KCTD19: variants seen among roughly 807,000 people sequenced by gnomAD.
KCTD19 encodes potassium channel tetramerization domain containing 19.
A neutral mutation model predicts 103.5 loss-of-function variants in KCTD19; 67 were observed. That is an observed-to-expected ratio of 0.65 (90% confidence interval 0.53 to 0.79). The LOEUF (loss-of-function observed/expected upper bound fraction) is 0.79. KCTD19 is among the 30% of genes least tolerant of loss of function. KCTD19 has a pLI of 0.00. For missense variants in KCTD19, 980 were observed against 1,136.1 expected (o/e 0.86, Z 1.98); for synonymous variants, 439 against 452.2 (o/e 0.97, Z 0.37).
Position 67,304,406 on chromosome 16 carries a change from C to T in KCTD19, c.451+15G>A, listed in dbSNP as rs1011534503. 5.0e-6 allele frequency: 8 copies of T among 1,613,484 alleles called. No homozygotes were observed. The highest frequency in any genetic ancestry group is 6.8e-6 in the Non-Finnish European group (8 of 1,179,498). ...TGGTGTGGGCTTTAGGGAGGGACAG[C>T]CTATCCCAATTCACCTGTAAAGGCT... On this transcript the variant is annotated intron_variant, in intron 3 of 15. Transcript: ENST00000304372.
intron 7 of KCTD19, 142 bp downstream of exon 7, chr16:67,297,361 T>C: frequency 2.4e-6 from 2 of 825,918 alleles, no homozygotes; most frequent in Non-Finnish European, 3.8e-6. Context: ...AAGTTTCCCT[T>C]TTGTAAAAAT....
intron 1 of KCTD19, among the ~76,000 whole-genome samples, chr16:67,322,957 C>T (rs2037092155): frequency 6.6e-6 from 1 of 152,192 alleles, no homozygotes. Context: ...AAAAAAGATG[C>T]TCAACATCCT....
chr16:67,294,099 G>A lies in KCTD19; in HGVS notation c.1663C>T (p.Leu555=). Residue 555 remains leucine (L), a synonymous_variant, in exon 12 of 16, where the codon CTG becomes TTG. Coordinates refer to ENST00000304372, the MANE Select transcript of KCTD19 (RefSeq NM_001100915.3). ...RTPWNKAKGN[L]VRSNQMDEAE... ...TCATCCATCTGGTTGGACCTGACCA[G>A]GTTTCCCTTAGCCTTGTTCCATGGA... The A allele has an allele frequency of 6.2e-7, 1 of 1,613,970 alleles. No individual in the cohort carries two copies. The highest frequency in any genetic ancestry group is 8.5e-7 in the Non-Finnish European group (1 of 1,179,842).
intron 2 of KCTD19, among the ~76,000 whole-genome samples, chr16:67,319,004 A>G (rs2037042995): frequency 1.3e-5 from 2 of 152,088 alleles, no homozygotes; most frequent in South Asian, 2.1e-4. Context: ...GGGTGGATCA[A>G]CTGGGGTCAG....
At position 67,300,494 on chromosome 16, in the gene KCTD19, G is replaced by A. The variant is rs1019667071; in HGVS notation, c.776-921C>T. ...CTCCATCTTTGCATTGCTCTGTGGAGCAGGGACTACGCTACCATCTCACAA... is the reference window on the plus strand; with the variant it reads ...CTCCATCTTTGCATTGCTCTGTGGAACAGGGACTACGCTACCATCTCACAA... On this transcript the variant is annotated intron_variant, in intron 5 of 15. Transcript: ENST00000304372. This position sits in a 1 kb window ranked among gnomAD's most constrained non-coding sequence, Gnocchi z 4.5. 1 of 152,226 alleles carries A rather than the reference G, an allele frequency of 6.6e-6. No individual in the cohort carries two copies. The allele number at this position is 152,226 out of a possible 1,614,324, so 9.4% of individuals were successfully genotyped here.
At chr16:67,298,126 TG>T (rs2036789392) in intron 6 of KCTD19, among the ~76,000 whole-genome samples, 1 of 151,864 alleles carries the variant, frequency 6.6e-6, no homozygotes, top group South Asian at 2.1e-4. Context: ...CCTGAGTAGC[TG>T]GGACTACAGG....
At chr16:67,294,766 G>T in intron 10 of KCTD19, 72 bp from the exon 11 acceptor site, 1 of 1,163,068 alleles carries the variant, frequency 8.6e-7, no homozygotes, top group East Asian at 2.3e-5. Flanking sequence ...GGTCAGATCT[G>T]CTCTTTGGCT....
chr16:67,291,615 C>G, intron 13 of KCTD19, 31 bp downstream of exon 13: 1 of 1,601,572 alleles, frequency 6.2e-7, no homozygotes, highest in Non-Finnish European at 8.5e-7. Flanking sequence ...CACGAGGAGG[C>G]GCAGGGCTCG....
chr16:67,319,356 T>C lies in KCTD19; in HGVS notation c.300+1233A>G, dbSNP rs1020870351. On this transcript the variant is annotated intron_variant, in intron 2 of 15. Coordinates refer to ENST00000304372, the MANE Select transcript of KCTD19 (RefSeq NM_001100915.3). Reference sequence around the variant, plus strand: ...TGTTCTCATTCCTCTATGGCCCAGATACGCATGATCTATCTCAATTTTCTT... The same window carrying C: ...TGTTCTCATTCCTCTATGGCCCAGACACGCATGATCTATCTCAATTTTCTT... Among the ~76,000 whole-genome samples, 4 of 152,166 alleles carry C rather than the reference T, an allele frequency of 2.6e-5. No homozygotes were observed. The South Asian group carries it at 8.3e-4, about 32-fold the overall frequency.
At chr16:67,304,663 CTTA>C in intron 2 of KCTD19, 92 bp from the exon 3 acceptor site, 1 of 1,158,764 alleles carries the variant, frequency 8.6e-7, no homozygotes, top group South Asian at 1.4e-5. Context: ...CAGTATGTGA[CTTA>C]CTTTTTTTTT....
chr16:67,294,205 G>A (rs778761721), intron 11 of KCTD19, 34 bp from the exon 12 acceptor site: 4 of 1,576,754 alleles, frequency 2.5e-6, no homozygotes, highest in Non-Finnish European at 3.5e-6. Context: ...CTCTGGATAG[G>A]TTGGGCATGG....
At chr16:67,321,450 C>T (rs78944537) in intron 1 of KCTD19, among the ~76,000 whole-genome samples, 7,877 of 152,188 alleles carry the variant, frequency 0.052, 607 homozygotes, top group African/African-American at 0.17. Context: ...ATCTCATGCT[C>T]ATGGATTGGA....
chr16:67,313,111 A>T (rs987443945), intron 2 of KCTD19, among the ~76,000 whole-genome samples: 4 of 144,154 alleles, frequency 2.8e-5, no homozygotes, highest in South Asian at 2.2e-4. Flanking sequence ...TGAAATTAGA[A>T]TTTTTTTTTT....
At chr16:67,324,572 A>T (rs1161483527) in intron 1 of KCTD19, among the ~76,000 whole-genome samples, 1 of 152,214 alleles carries the variant, frequency 6.6e-6, no homozygotes, top group African/African-American at 2.4e-5. Flanking sequence ...AATTCTTTCA[A>T]TCTTTCTGTG....
At position 67,295,037 on chromosome 16, in the gene KCTD19, G is replaced by A. The variant is rs771350240; in HGVS notation, c.1411C>T (p.Gln471Ter). The A allele has an allele frequency of 6.2e-6, 10 of 1,613,956 alleles. No homozygotes were observed. In the South Asian group the frequency reaches 1.1e-4, roughly 18 times the overall value. The change falls in exon 10 of 16, where the codon CAG (glutamine) becomes TAG (stop). Residue 471 changes from glutamine to a stop codon, truncating the protein, a stop_gained. Coordinates refer to ENST00000304372, the MANE Select transcript of KCTD19 (RefSeq NM_001100915.3). LOFTEE classifies it high-confidence loss of function. The part of the protein sequence containing the change: ...SEFKEWPLFC[Q>*]EVEEYHIPSL... Reference sequence around the variant, plus strand: ...GGAATGTGGTATTCCTCCACCTCCTGGCAGAAGAGGGGCCATTCCCTGCAA... The same window carrying A: ...GGAATGTGGTATTCCTCCACCTCCTAGCAGAAGAGGGGCCATTCCCTGCAA...
chr16:67,295,606 G>T, intron 8 of KCTD19: 1 of 523,570 alleles, frequency 1.9e-6, no homozygotes, highest in Non-Finnish European at 3.3e-6. Flanking sequence ...TTCAACTTTT[G>T]ATGGCCCCTA....
chr16:67,295,052 A>C lies in KCTD19; in HGVS notation c.1396T>G (p.Trp466Gly). Residue 466 changes from tryptophan (W) to glycine (G), a missense_variant, in exon 10 of 16, where the codon TGG becomes GGG. Trp to Gly is a radical substitution (Grantham distance 184, BLOSUM62 -2). Transcript: ENST00000304372. ...TCCACCTCCTGGCAGAAGAGGGGCC[A>C]TTCCCTGCAAACAACAAGGAGATAT... The part of the protein sequence containing the change: ...KLFLPSEFKE[W>G]PLFCQEVEEY... 3 of 1,613,732 alleles carry C rather than the reference A, an allele frequency of 1.9e-6. No individual in the cohort carries two copies. Among genetic ancestry groups the C allele is most frequent in the Non-Finnish European group, 2.5e-6 (3 of 1,179,584 alleles).
chr16:67,320,295 G>A lies in KCTD19; in HGVS notation c.300+294C>T, dbSNP rs914632970. 4.7e-4 allele frequency among the ~76,000 whole-genome samples: 72 copies of A among 152,174 alleles called. No individual in the cohort carries two copies. The highest frequency in any genetic ancestry group is 2.2e-4 in the Non-Finnish European group (15 of 68,024). Reference sequence around the variant, plus strand: ...CAGCTACTCAGAGGGACTGAGGTGGGAGGTGGGAAGATCCTTTGGGCTTGG... The same window carrying A: ...CAGCTACTCAGAGGGACTGAGGTGGAAGGTGGGAAGATCCTTTGGGCTTGG... On this transcript the variant is annotated intron_variant, in intron 2 of 15. Coordinates refer to ENST00000304372, the MANE Select transcript of KCTD19 (RefSeq NM_001100915.3). The surrounding 1 kb of genome is among the most constrained non-coding windows in gnomAD (Gnocchi z 4.0).
At chr16:67,304,895 T>A (rs1394840725) in intron 2 of KCTD19, among the ~76,000 whole-genome samples, 1 of 152,156 alleles carries the variant, frequency 6.6e-6, no homozygotes, top group Non-Finnish European at 1.5e-5. Flanking sequence ...CTTGAACTCC[T>A]GACCTCAGGT....
Sources: allele counts gnomAD v4.1 joint callset (sites outside exome capture counted in the v4.1 genomes callset), GRCh38; gene constraint gnomAD v4.1.1; non-coding constraint Gnocchi (gnomAD v3.1); transcripts MANE v1.5; gene names NCBI Gene and HGNC (gene_info 2026-07-23, HGNC 2026-07-21).